Variants in SORBS2 observed in about 807,000 individuals in gnomAD.
SORBS2 encodes the protein sorbin and SH3 domain-containing protein 2.
A neutral mutation model predicts 97.7 loss-of-function variants in SORBS2; 46 were observed. The ratio of observed to expected loss-of-function variants is 0.47; its 90% CI spans 0.37 to 0.60. SORBS2 has a LOEUF of 0.60. Among genes scored for constraint, SORBS2 ranks in the 20% least tolerant of loss-of-function variants. The probability of loss-of-function intolerance (pLI) is 0.00; values close to 1 mark genes in which losing one functional copy is unlikely to be tolerated. For missense variants in SORBS2, 1,316 were observed against 1,282.3 expected (o/e 1.03, Z -0.40); for synonymous variants, 476 against 473.4 (o/e 1.01, Z -0.07).
chr4:185,679,961 C>A (rs1362349543), intron 2 of SORBS2, among the ~76,000 whole-genome samples: 1 of 152,142 alleles, frequency 6.6e-6, no homozygotes, highest in South Asian at 2.1e-4. Flanking sequence ...TGTGAGTCAG[C>A]ACAGAGTACA....
chr4:185,660,000 ATC>A (rs2097489522), upstream of SORBS2, among the ~76,000 whole-genome samples: 1 of 152,154 alleles, frequency 6.6e-6, no homozygotes, highest in Admixed American at 6.5e-5. Flanking sequence ...CATCTTAGCA[ATC>A]TTTTGTCCTA....
Position 185,617,363 on chromosome 4 carries a change from A to T in SORBS2, c.2351+1222T>A, listed in dbSNP as rs530448581. On this transcript the variant is annotated intron_variant, in intron 9 of 14. Transcript: ENST00000418609. ...AGGCCAGATTTAAGCCATGTTCAAC[A>T]TCTTAATTTCTAAACAGGATTTTTC... Among the ~76,000 whole-genome samples, 3 of 152,278 alleles carry T rather than the reference A, an allele frequency of 2.0e-5. No individual in the cohort carries two copies. In the South Asian group the frequency reaches 6.2e-4, roughly 32 times the overall value.
intron 1 of SORBS2, among the ~76,000 whole-genome samples, chr4:185,822,349 A>G (rs2153670861): frequency 6.6e-6 from 1 of 152,348 alleles, no homozygotes; most frequent in South Asian, 2.1e-4. Context: ...GTTGGTAACC[A>G]AAAGATCCTG....
At position 185,896,336 on chromosome 4, in the gene SORBS2, C is replaced by A. The variant is rs538073819; in HGVS notation, c.-338+59860G>T. Among the ~76,000 whole-genome samples, 333 of 152,312 alleles carry A rather than the reference C, an allele frequency of 2.2e-3. 1 individual carries two copies. Among genetic ancestry groups the A allele is most frequent in the African/African-American group, 7.3e-3 (303 of 41,570 alleles). On this transcript the variant is annotated intron_variant, in intron 1 of 20. Coordinates refer to the SORBS2 transcript ENST00000284776. Reference sequence around the variant, plus strand: ...AGATGGCTGACGCCTGTAATGCCAGCACTTTGGGAGGCCGAGGCAGGTGGA... The same window carrying A: ...AGATGGCTGACGCCTGTAATGCCAGAACTTTGGGAGGCCGAGGCAGGTGGA...
chr4:185,801,612 GTCT>G (rs754874371), intron 1 of SORBS2, among the ~76,000 whole-genome samples: 11 of 152,070 alleles, frequency 7.2e-5, no homozygotes, highest in Non-Finnish European at 1.5e-4. Context: ...CCATTTGTAT[GTCT>G]TCTTTGGAAA....
chr4:185,835,417 T>C (rs1252748716), intron 1 of SORBS2, among the ~76,000 whole-genome samples: 2 of 152,220 alleles, frequency 1.3e-5, no homozygotes, highest in Non-Finnish European at 2.9e-5. Context: ...TTTATTGTCT[T>C]GTTTAGTGGA....
intron 12 of SORBS2, among the ~76,000 whole-genome samples, chr4:185,600,993 A>ACTG (rs2096249283): frequency 1.3e-5 from 2 of 152,136 alleles, no homozygotes; most frequent in African/African-American, 4.8e-5. Flanking sequence ...TTTCCTTCCA[A>ACTG]TAGCGGACAG....
intron 1 of SORBS2, among the ~76,000 whole-genome samples, chr4:185,945,743 G>A (rs572417009): frequency 6.6e-6 from 1 of 152,342 alleles, no homozygotes; most frequent in Admixed American, 6.5e-5. Flanking sequence ...AGAGAGGACA[G>A]ATATCTGATC....
upstream of SORBS2, among the ~76,000 whole-genome samples, chr4:185,661,513 C>G (rs1224128220): frequency 6.6e-6 from 1 of 152,126 alleles, no homozygotes; most frequent in Non-Finnish European, 1.5e-5. Context: ...GGGTTGAGAA[C>G]GATTGCTCTA....
intron 11 of SORBS2, 31 bp downstream of exon 23, chr4:185,614,786 GAACAAACAAACAAA>G (rs776874597): frequency 3.7e-6 from 6 of 1,606,814 alleles, no homozygotes; most frequent in South Asian, 3.3e-5. Context: ...ACCCACTGAA[GAACAAACAAACAAA>G]AACAAACAAA....
rs184064413 is a variant in SORBS2 at position 185,596,724 on chromosome 4, A to G, written c.2797-2789T>C. 6.2e-3 allele frequency among the ~76,000 whole-genome samples: 935 copies of G among 151,912 alleles called. 29 individuals are homozygous for G. Among genetic ancestry groups the G allele is most frequent in the Admixed American group, 0.055 (842 of 15,250 alleles). On this transcript the variant is annotated intron_variant, in intron 12 of 14. Coordinates refer to ENST00000418609, the Ensembl canonical transcript of SORBS2. ...TAATTTTTGTATTTTTAGTAGAGAC[A>G]GGGTTTCACCATGTTAGCCAGGATG...
intron 1 of SORBS2, among the ~76,000 whole-genome samples, chr4:185,945,524 C>T (rs1364006329): frequency 6.6e-6 from 1 of 152,106 alleles, no homozygotes; most frequent in Non-Finnish European, 1.5e-5. Context: ...TTTGGTAAAC[C>T]TTTAGGAAGA....
At chr4:185,777,751 G>C (rs529246458) in intron 1 of SORBS2, among the ~76,000 whole-genome samples, 23 of 151,888 alleles carry the variant, frequency 1.5e-4, no homozygotes, top group Non-Finnish European at 2.6e-4. Context: ...TGTCATATAA[G>C]TGTAAAATGC....
At chr4:185,662,051 T>G in intron 5 of SORBS2, 53 bp downstream of exon 8, 1 of 1,601,300 alleles carries the variant, frequency 6.2e-7, no homozygotes, top group East Asian at 2.2e-5. Context: ...CTCCTGTGGT[T>G]GTACTTGCCG....
At chr4:185,658,827 C>T (rs577934768), upstream of SORBS2, among the ~76,000 whole-genome samples, 5 of 150,966 alleles carry the variant, frequency 3.3e-5, no homozygotes, top group African/African-American at 7.3e-5. Flanking sequence ...ACTACAGGTG[C>T]GTGCCACCAT....
chr4:185,945,760 G>A (rs186844657), intron 1 of SORBS2, among the ~76,000 whole-genome samples: 2 of 152,322 alleles, frequency 1.3e-5, no homozygotes, highest in East Asian at 3.9e-4. Context: ...GATCCATGCT[G>A]GCTAAGTGTG....
intron 2 of SORBS2, among the ~76,000 whole-genome samples, chr4:185,710,564 A>G (rs1368775535): frequency 3.3e-5 from 5 of 152,144 alleles, no homozygotes; most frequent in Non-Finnish European, 7.3e-5. Flanking sequence ...TTACCACTCA[A>G]GTTTTTTCTT....
intron 12 of SORBS2, among the ~76,000 whole-genome samples, chr4:185,600,879 T>G (rs1341696175): frequency 6.6e-6 from 1 of 151,434 alleles, no homozygotes; most frequent in Non-Finnish European, 1.5e-5. Flanking sequence ...ACTACTGAAG[T>G]GCCAACCTGT....
At chr4:185,940,855 C>G (rs1025743082) in intron 1 of SORBS2, among the ~76,000 whole-genome samples, 36 of 152,144 alleles carry the variant, frequency 2.4e-4, no homozygotes, top group African/African-American at 8.4e-4. Flanking sequence ...ATATTGCACC[C>G]TTTATTCTCT....
Sources: allele counts gnomAD v4.1 joint callset (sites outside exome capture counted in the v4.1 genomes callset), GRCh38; gene constraint gnomAD v4.1.1; transcripts MANE v1.5; gene names NCBI Gene and HGNC (gene_info 2026-07-23, HGNC 2026-07-21).